The following PTPRN variants were observed in gnomAD, a reference collection of about 807,000 sequenced individuals.
PTPRN encodes the protein protein tyrosine phosphatase receptor type N.
PTPRN carries 70 observed loss-of-function variants against 108.5 expected under a neutral mutation model. The ratio of observed to expected loss-of-function variants is 0.65; its 90% CI spans 0.53 to 0.79. The LOEUF (loss-of-function observed/expected upper bound fraction) is 0.79. PTPRN is among the 30% of genes least tolerant of loss of function. PTPRN has a pLI of 0.00. For synonymous variants in PTPRN, 496 were observed against 524.6 expected, an observed-to-expected ratio of 0.95 and a Z score of 0.75; for missense variants, 1,136 against 1,295.5, an observed-to-expected ratio of 0.88 and a Z score of 1.89.
rs1435753922 is a variant in PTPRN at position 219,302,561 on chromosome 2, G to C, written c.639+15C>G. ...AGGGACTGCGGTTGGGGTGGGACCA[G>C]AGTCAAGGACTTACCTGGTGGAACA... is the stretch of plus-strand genomic sequence containing the variant. On this transcript the variant is annotated intron_variant, in intron 5 of 22. Transcript: ENST00000295718. The C allele has an allele frequency of 6.2e-7, 1 of 1,613,916 alleles. No homozygotes were observed. The highest frequency in any genetic ancestry group is 1.3e-5 in the African/African-American group (1 of 74,926).
In PTPRN at chr2:219,294,987, AG is replaced by A; in HGVS notation, c.2662del (p.Leu888TrpfsTer7). The A allele has an allele frequency of 6.3e-7, 1 of 1,595,254 alleles. No individual in the cohort carries two copies. Among genetic ancestry groups the A allele is most frequent in the Non-Finnish European group, 8.5e-7 (1 of 1,171,882 alleles). On this transcript the variant is annotated frameshift_variant, in exon 19 of 23. Transcript: ENST00000295718. LOFTEE classifies it high-confidence loss of function. ...EGTPASTRPL[L>X]DFRRKVNKCY... ...CGCCCGCGCTCACCTGCGGAAGTCCAGCAGGGGCCGCGTGGAGGCCGGTGTG... is the reference window on the plus strand; with the variant it reads ...CGCCCGCGCTCACCTGCGGAAGTCCACAGGGGCCGCGTGGAGGCCGGTGTG...
chr2:219,298,795 G>T (rs1364589663), intron 12 of PTPRN, among the ~76,000 whole-genome samples: 2 of 152,256 alleles, frequency 1.3e-5, no homozygotes, highest in Admixed American at 1.3e-4. Flanking sequence ...CGCTCCAGCA[G>T]ACTAAGGGCG....
Position 219,291,233 on chromosome 2 carries a change from G to A in PTPRN, c.2729+237C>T, listed in dbSNP as rs944135909. On this transcript the variant is annotated intron_variant, in intron 20 of 22. Coordinates refer to ENST00000295718, the MANE Select transcript of PTPRN (RefSeq NM_002846.4). ...GCTTTTTGTGTATAGGGGGCCAATG[G>A]TCAATATTTTCAACTTTGTGGGCCA... Among the ~76,000 whole-genome samples the A allele has an allele frequency of 2.0e-5, 3 of 152,146 alleles. No individual in the cohort carries two copies. In the East Asian group the frequency reaches 5.8e-4, roughly 29 times the overall value.
intron 8 of PTPRN, 50 bp downstream of exon 8, chr2:219,300,893 G>T: frequency 6.3e-7 from 1 of 1,593,098 alleles, no homozygotes; most frequent in South Asian, 1.1e-5. Flanking sequence ...TTGGCAAGGG[G>T]GCGTGCTGCC....
In PTPRN at chr2:219,297,127, G is replaced by A. The variant is rs772422175; in HGVS notation, c.2094C>T (p.Tyr698=). 1.2e-6 allele frequency: 2 copies of A among 1,613,998 alleles called. No homozygotes were observed. The highest frequency in any genetic ancestry group is 1.7e-5 in the Admixed American group (1 of 60,016). Reference sequence around the variant, plus strand: ...CCCGGTTCCGCAGGTGATCCTCCATGTATGCCTGTGGGGGCACCACGGTCT... The same window carrying A: ...CCCGGTTCCGCAGGTGATCCTCCATATATGCCTGTGGGGGCACCACGGTCT... ...DISTGHMILA[Y]MEDHLRNRDR... is the part of the protein sequence containing the mutation. The change falls in exon 15 of 23, where the codon TAC becomes TAT. Residue 698 remains tyrosine, a synonymous_variant. Coordinates refer to ENST00000295718, the MANE Select transcript of PTPRN (RefSeq NM_002846.4). The surrounding 1 kb of genome is among the most constrained non-coding windows in gnomAD (Gnocchi z 6.0).
At chr2:219,303,343 T>C (rs556283395) in intron 4 of PTPRN, among the ~76,000 whole-genome samples, 51 of 152,240 alleles carry the variant, frequency 3.3e-4, no homozygotes, top group Non-Finnish European at 7.3e-4. Flanking sequence ...GCAGTCTGAA[T>C]GATGCCTTTA....
Position 219,290,701 on chromosome 2 carries a change from C to A in PTPRN, c.2795-90G>T. ...CCTGAGGCCTCCTGGAGGCAAAGAGCCTTGGAGGGCTGGGCAGAGCCTGGA... is the reference window on the plus strand; with the variant it reads ...CCTGAGGCCTCCTGGAGGCAAAGAGACTTGGAGGGCTGGGCAGAGCCTGGA... On this transcript the variant is annotated intron_variant, in intron 21 of 22. Coordinates refer to ENST00000295718, the MANE Select transcript of PTPRN (RefSeq NM_002846.4). The surrounding 1 kb of genome is among the most constrained non-coding windows in gnomAD (Gnocchi z 4.2). The A allele has an allele frequency of 6.7e-7, 1 of 1,483,286 alleles. No individual in the cohort carries two copies. The allele number at this position is 1,483,286 out of a possible 1,614,324, so 91.9% of individuals were successfully genotyped here.
chr2:219,297,554 T>A lies in PTPRN; in HGVS notation c.1888-121A>T. 1.0e-6 allele frequency: 1 copy of A among 988,308 alleles called. No homozygotes were observed. Among genetic ancestry groups the A allele is most frequent in the Non-Finnish European group, 1.5e-6 (1 of 667,438 alleles). 61.2% of individuals were successfully genotyped at this position (988,308 alleles called of 1,614,324 possible). A position where few individuals can be genotyped will look rare whatever the true frequency, so the allele number is the denominator to read the frequency against. The stretch of plus-strand genomic sequence containing the variant: ...GATTTTCAGTGGAACTCAGCTCCTC[T>A]GGGGTATGGTCTTCTGCCTGGCCCT... On this transcript the variant is annotated intron_variant, in intron 13 of 22. Transcript: ENST00000295718. This position sits in a 1 kb window ranked among gnomAD's most constrained non-coding sequence, Gnocchi z 6.0.
Position 219,307,409 on chromosome 2 carries a change from T to C in PTPRN, c.280+35A>G, listed in dbSNP as rs763746761. 10 of 1,567,016 alleles carry C rather than the reference T, an allele frequency of 6.4e-6. No homozygotes were observed. The African/African-American group carries it at 1.1e-4, about 17-fold the overall frequency. On this transcript the variant is annotated intron_variant, in intron 3 of 22. Coordinates refer to ENST00000295718, the MANE Select transcript of PTPRN (RefSeq NM_002846.4). Reference sequence around the variant, plus strand: ...CTTCCCCACCCATAACTAACCAAGTTCCAATCTCTCTCCTCCAGTGCACCC... The same window carrying C: ...CTTCCCCACCCATAACTAACCAAGTCCCAATCTCTCTCCTCCAGTGCACCC...
chr2:219,307,670 G>C, intron 2 of PTPRN, 113 bp from the exon 3 acceptor site: 1 of 1,458,262 alleles, frequency 6.9e-7, no homozygotes, highest in Non-Finnish European at 9.6e-7. Flanking sequence ...CCTCCTCCAG[G>C]CAAGTCTTCC....
At chr2:219,299,914 C>T in intron 9 of PTPRN, 71 bp downstream of exon 9, 3 of 1,593,458 alleles carry the variant, frequency 1.9e-6, no homozygotes, top group Admixed American at 3.4e-5. Context: ...GATTTCTGCC[C>T]TCTGCTTCTG....
At chr2:219,305,024 C>A (rs1398717858) in intron 3 of PTPRN, among the ~76,000 whole-genome samples, 1 of 152,030 alleles carries the variant, frequency 6.6e-6, no homozygotes, top group Non-Finnish European at 1.5e-5. Context: ...TCATCAAGAG[C>A]AGCTTTGTCT....
intron 4 of PTPRN, 148 bp from the exon 5 acceptor site, chr2:219,302,985 T>TTG: frequency 2.2e-6 from 1 of 449,702 alleles, no homozygotes; most frequent in Non-Finnish European, 3.7e-6. Context: ...GGAAGAGAGA[T>TTG]GGGCTGGGTG....
intron 4 of PTPRN, 130 bp downstream of exon 4, chr2:219,303,605 T>G (rs1553583270): frequency 1.2e-6 from 1 of 813,040 alleles, no homozygotes; most frequent in Non-Finnish European, 2.1e-6. Flanking sequence ...TGACCATTCC[T>G]GCACCTCTTT....
chr2:219,304,460 A>G (rs1272475394), intron 3 of PTPRN, among the ~76,000 whole-genome samples: 1 of 152,134 alleles, frequency 6.6e-6, no homozygotes, highest in Non-Finnish European at 1.5e-5. Context: ...CATCTTATTC[A>G]TAGACAGCTC....
chr2:219,302,798 C>T lies in PTPRN; in HGVS notation c.417G>A (p.Glu139=), dbSNP rs755836250. 1.3e-5 allele frequency: 21 copies of T among 1,613,438 alleles called. No homozygotes were observed. Among genetic ancestry groups the T allele is most frequent in the Middle Eastern group, 3.3e-4 (2 of 5,978 alleles). ...LAPKRPGPAG[E]LLLQDIPTGS... is the part of the protein sequence containing the mutation. ...CAGTGGGGATGTCCTGTAAAAGCAG[C>T]TCTCCAGCAGGACCAGGTCTCTTGG... Residue 139 remains glutamate, a synonymous_variant, in exon 5 of 23, where the codon GAG becomes GAA. Transcript: ENST00000295718.
At chr2:219,293,270 TC>T in intron 19 of PTPRN, among the ~76,000 whole-genome samples, 1 of 152,258 alleles carries the variant, frequency 6.6e-6, no homozygotes, top group South Asian at 2.1e-4. Flanking sequence ...AACTGCTGCC[TC>T]CCAGGTTTAA....
In PTPRN at chr2:219,290,633, G is replaced by C; in HGVS notation, c.2795-22C>G. 4 of 1,547,500 alleles carry C rather than the reference G, an allele frequency of 2.6e-6. No homozygotes were observed. Among genetic ancestry groups the C allele is most frequent in the Non-Finnish European group, 3.5e-6 (4 of 1,143,002 alleles). ...ACTCCTGGAGATGGAGGTGGGGATG[G>C]GGCTGCTCAGGGGGTGTCCAGAGGA... On this transcript the variant is annotated intron_variant, in intron 21 of 22. Transcript: ENST00000295718. The surrounding 1 kb of genome is among the most constrained non-coding windows in gnomAD (Gnocchi z 4.2).
intron 1 of PTPRN, 174 bp from the exon 2 acceptor site, chr2:219,308,016 G>A: frequency 1.6e-6 from 1 of 633,378 alleles, no homozygotes; most frequent in Non-Finnish European, 2.8e-6. Context: ...GGAAGCATGG[G>A]ATCTTGTTTT....
Sources: gnomAD v4.1 joint callset for allele counts (sites outside exome capture counted in the v4.1 genomes callset) on GRCh38, gnomAD v4.1.1 for gene constraint, Gnocchi (gnomAD v3.1) non-coding constraint, MANE v1.5 for transcripts, NCBI Gene and HGNC (gene_info 2026-07-23, HGNC 2026-07-21) for gene names.